Variants in ERC2 observed in about 807,000 individuals in gnomAD.
ERC2 encodes the protein ELKS/RAB6-interacting/CAST family member 2.
Under a neutral mutation model 114.8 loss-of-function variants are expected in ERC2, and 42 were observed. That is an observed-to-expected ratio of 0.37 (90% CI 0.29 to 0.47). The LOEUF (loss-of-function observed/expected upper bound fraction) is 0.47, where lower values mean the gene tolerates loss of function less well. Ranked by LOEUF, ERC2 falls within the 20% of genes least tolerant of loss-of-function variation. The pLI is 0.99. For synonymous variants in ERC2, 454 were observed against 425.5 expected (o/e 1.07, Z -0.82); for missense variants, 939 against 1,150.7 (o/e 0.82, Z 2.66).
chr3:56,025,462 T>C (rs1463677190), intron 7 of ERC2, among the ~76,000 whole-genome samples: 2 of 152,206 alleles, frequency 1.3e-5, no homozygotes, highest in African/African-American at 4.8e-5. Flanking sequence ...AGGTTGTTGG[T>C]ATTATTCAGC....
At chr3:56,121,021 G>C (rs7632901) in intron 6 of ERC2, among the ~76,000 whole-genome samples, 1 of 152,076 alleles carries the variant, frequency 6.6e-6, no homozygotes, top group South Asian at 2.1e-4. Flanking sequence ...CATGCAGCTG[G>C]AAGAGCAGTG....
In ERC2 at chr3:56,193,337, G is replaced by A. The variant is rs184675537; in HGVS notation, c.1075-19817C>T. Among the ~76,000 whole-genome samples, 99 of 152,144 alleles carry A rather than the reference G, an allele frequency of 6.5e-4. 1 individual carries two copies. Among genetic ancestry groups the A allele is most frequent in the Non-Finnish European group, 1.1e-3 (74 of 68,002 alleles). On this transcript the variant is annotated intron_variant, in intron 3 of 17. Transcript: ENST00000288221. ...AGCCTGGCCAACATGGCAAAACCCCGTCTCTACTGAAAATACAAAAATTAG... is the reference window on the plus strand; with the variant it reads ...AGCCTGGCCAACATGGCAAAACCCCATCTCTACTGAAAATACAAAAATTAG...
At chr3:56,062,150 G>A (rs967600321) in intron 7 of ERC2, among the ~76,000 whole-genome samples, 9 of 152,134 alleles carry the variant, frequency 5.9e-5, no homozygotes, top group African/African-American at 1.9e-4. Context: ...GAATAAAAAG[G>A]CTATACTGTT....
At chr3:56,441,175 C>A (rs1016375013) in intron 1 of ERC2, among the ~76,000 whole-genome samples, 1 of 152,148 alleles carries the variant, frequency 6.6e-6, no homozygotes. Context: ...CCACACAGAA[C>A]GGCCCTGGAA....
At chr3:55,854,040 C>T (rs553213241) in intron 14 of ERC2, among the ~76,000 whole-genome samples, 67 of 152,180 alleles carry the variant, frequency 4.4e-4, no homozygotes, top group Admixed American at 3.1e-3. Context: ...TTTGGGAGAC[C>T]GAGGAGGGCC....
intron 3 of ERC2, among the ~76,000 whole-genome samples, chr3:56,195,854 T>C (rs975455621): frequency 6.6e-6 from 1 of 151,650 alleles, no homozygotes; most frequent in African/African-American, 2.4e-5. Flanking sequence ...AATAGGTCAA[T>C]ACCATACATG....
At chr3:55,560,267 C>T (rs1291327279) in intron 17 of ERC2, among the ~76,000 whole-genome samples, 1 of 152,194 alleles carries the variant, frequency 6.6e-6, no homozygotes, top group Non-Finnish European at 1.5e-5. Context: ...GACATTGGCT[C>T]ACAGGCCACA....
chr3:55,577,454 C>T (rs1036554241), intron 17 of ERC2, among the ~76,000 whole-genome samples: 42 of 152,152 alleles, frequency 2.8e-4, no homozygotes, highest in African/African-American at 9.7e-4. Flanking sequence ...AATGATAGCT[C>T]ATCAGGGCAG....
chr3:56,238,692 C>T (rs2051128318), intron 3 of ERC2, among the ~76,000 whole-genome samples: 1 of 152,152 alleles, frequency 6.6e-6, no homozygotes, highest in Non-Finnish European at 1.5e-5. Flanking sequence ...TCTCTGTTAG[C>T]ACTTCTCCAG....
chr3:56,428,278 T>C (rs2061650065), intron 2 of ERC2, among the ~76,000 whole-genome samples: 2 of 152,078 alleles, frequency 1.3e-5, no homozygotes, highest in Non-Finnish European at 2.9e-5. Context: ...CCCAGGACTT[T>C]TGGAGGCTGA....
chr3:56,040,743 TAGAG>T (rs544742665), intron 7 of ERC2, among the ~76,000 whole-genome samples: 172 of 142,444 alleles, frequency 1.2e-3, no homozygotes, highest in South Asian at 3.6e-3. Flanking sequence ...TCTATATATA[TAGAG>T]AGAGATATAG....
chr3:55,906,717 G>A (rs1195267066), intron 13 of ERC2, among the ~76,000 whole-genome samples: 1 of 152,140 alleles, frequency 6.6e-6, no homozygotes, highest in Non-Finnish European at 1.5e-5. Context: ...GCCTGTAATC[G>A]GGAAAGGAAG....
chr3:55,871,235 T>A (rs2062569726), intron 14 of ERC2, among the ~76,000 whole-genome samples: 2 of 152,052 alleles, frequency 1.3e-5, no homozygotes, highest in Non-Finnish European at 2.9e-5. Context: ...CAGTGGGAGG[T>A]CCTCAGTTAT....
chr3:56,261,812 G>T (rs2052948645), intron 3 of ERC2, among the ~76,000 whole-genome samples: 1 of 151,992 alleles, frequency 6.6e-6, no homozygotes, highest in Non-Finnish European at 1.5e-5. Flanking sequence ...CATTACTGAG[G>T]TATTACGTCT....
chr3:56,134,050 G>A (rs1350440261), intron 6 of ERC2, among the ~76,000 whole-genome samples: 1 of 152,182 alleles, frequency 6.6e-6, no homozygotes. Flanking sequence ...AGTTGCTTGA[G>A]TGTGACCTCA....
intron 14 of ERC2, among the ~76,000 whole-genome samples, chr3:55,831,703 C>T (rs1004224357): frequency 5.3e-5 from 8 of 152,112 alleles, no homozygotes; most frequent in African/African-American, 1.9e-4. Flanking sequence ...GTGATTTCTG[C>T]ATTTCCATCT....
intron 15 of ERC2, among the ~76,000 whole-genome samples, chr3:55,719,483 G>C (rs1364071005): frequency 6.6e-6 from 1 of 152,118 alleles, no homozygotes; most frequent in Non-Finnish European, 1.5e-5. Flanking sequence ...GAAAATGTTG[G>C]AAACAATTCT....
intron 17 of ERC2, among the ~76,000 whole-genome samples, chr3:55,562,724 C>T (rs1200258662): frequency 6.6e-6 from 1 of 151,930 alleles, no homozygotes; most frequent in African/African-American, 2.4e-5. Context: ...TCCAGCTGCA[C>T]GGTCTTTTAT....
intron 17 of ERC2, among the ~76,000 whole-genome samples, chr3:55,513,612 G>A (rs553540889): frequency 6.7e-6 from 1 of 149,510 alleles, no homozygotes; most frequent in South Asian, 2.1e-4. Flanking sequence ...TAGAGCGTGT[G>A]TGCATGTATG....
Sources: allele counts gnomAD v4.1 joint callset (sites outside exome capture counted in the v4.1 genomes callset), GRCh38; gene constraint gnomAD v4.1.1; transcripts MANE v1.5; gene names NCBI Gene and HGNC (gene_info 2026-07-23, HGNC 2026-07-21).